CWC27: variants seen among roughly 807,000 people sequenced by gnomAD.
CWC27 encodes spliceosome-associated protein CWC27 homolog.
In CWC27, 47 loss-of-function variants were observed where a neutral mutation model predicts 63.6. That is an observed-to-expected ratio of 0.74 (90% CI 0.58 to 0.94). The LOEUF (loss-of-function observed/expected upper bound fraction) is 0.94, where lower values mean the gene tolerates loss of function less well. Among genes scored for constraint, CWC27 ranks in the 40% least tolerant of loss-of-function variants. The pLI is 0.00. For missense variants in CWC27, 495 were observed against 554.3 expected (o/e 0.89, Z 1.07); for synonymous variants, 175 against 179.8 (o/e 0.97, Z 0.22).
intron 7 of CWC27, among the ~76,000 whole-genome samples, chr5:64,798,022 G>T (rs1224333418): frequency 6.6e-6 from 1 of 152,104 alleles, no homozygotes; most frequent in Admixed American, 6.6e-5. Flanking sequence ...CAGGTGGGGA[G>T]AATTAATATA....
intron 7 of CWC27, among the ~76,000 whole-genome samples, chr5:64,799,769 A>G (rs1197799694): frequency 3.3e-5 from 5 of 151,942 alleles, no homozygotes; most frequent in South Asian, 4.2e-4. Flanking sequence ...AGGCTCTTCT[A>G]TATCTTTTTT....
chr5:64,974,496 A>G (rs1355876471), intron 12 of CWC27, among the ~76,000 whole-genome samples: 1 of 152,204 alleles, frequency 6.6e-6, no homozygotes, highest in Non-Finnish European at 1.5e-5. Context: ...CTTATTCGCT[A>G]TCACGAGAAT....
At chr5:65,010,458 G>A (rs1749929729) in intron 13 of CWC27, among the ~76,000 whole-genome samples, 1 of 152,182 alleles carries the variant, frequency 6.6e-6, no homozygotes, top group African/African-American at 2.4e-5. Context: ...ATTAAAGTTT[G>A]TAATCCACAG....
At chr5:64,840,374 A>T (rs1745774647) in intron 10 of CWC27, among the ~76,000 whole-genome samples, 1 of 54,730 alleles carries the variant, frequency 1.8e-5, no homozygotes, top group Admixed American at 1.9e-4. Flanking sequence ...AAAAAAAAAA[A>T]AAAAAAAAAA....
intron 3 of CWC27, among the ~76,000 whole-genome samples, chr5:64,783,236 G>A (rs1217202334): frequency 1.3e-5 from 2 of 152,148 alleles, no homozygotes; most frequent in Non-Finnish European, 2.9e-5. Context: ...TAATATATTT[G>A]TTAAGTAGCC....
chr5:64,956,253 C>T (rs1748801053), intron 11 of CWC27, among the ~76,000 whole-genome samples: 1 of 152,096 alleles, frequency 6.6e-6, no homozygotes, highest in East Asian at 1.9e-4. Flanking sequence ...AGTATAGGAC[C>T]AACAAGATAT....
At chr5:64,851,621 A>G (rs1746135331) in intron 10 of CWC27, among the ~76,000 whole-genome samples, 1 of 152,206 alleles carries the variant, frequency 6.6e-6, no homozygotes, top group Non-Finnish European at 1.5e-5. Context: ...ATTTTTCCAC[A>G]TTGTATTCAT....
At chr5:64,830,903 A>G (rs1745500683) in intron 10 of CWC27, among the ~76,000 whole-genome samples, 1 of 152,074 alleles carries the variant, frequency 6.6e-6, no homozygotes, top group African/African-American at 2.4e-5. Context: ...ATTGATGGAC[A>G]TTTGGGTTGG....
intron 11 of CWC27, among the ~76,000 whole-genome samples, chr5:64,956,729 A>C (rs1322916432): frequency 6.6e-6 from 1 of 152,178 alleles, no homozygotes; most frequent in Non-Finnish European, 1.5e-5. Context: ...TGTTTGCACT[A>C]AATAGAGTAG....
chr5:64,963,445 C>T (rs1748956377), intron 11 of CWC27, among the ~76,000 whole-genome samples: 1 of 152,082 alleles, frequency 6.6e-6, no homozygotes, highest in African/African-American at 2.4e-5. Context: ...AATTAGTGAA[C>T]TGAAATACAG....
intron 7 of CWC27, among the ~76,000 whole-genome samples, chr5:64,790,162 A>G (rs1252720403): frequency 1.3e-5 from 2 of 152,050 alleles, no homozygotes; most frequent in Non-Finnish European, 2.9e-5. Flanking sequence ...TTCAATTTCC[A>G]TTTACCTGTA....
chr5:64,860,367 C>A (rs775384943), intron 10 of CWC27, among the ~76,000 whole-genome samples: 1 of 152,126 alleles, frequency 6.6e-6, no homozygotes, highest in Non-Finnish European at 1.5e-5. Context: ...CTCTATCTGT[C>A]TAAACAAAGC....
chr5:64,884,674 A>T (rs146613300), intron 10 of CWC27, among the ~76,000 whole-genome samples: 2 of 152,326 alleles, frequency 1.3e-5, no homozygotes, highest in Non-Finnish European at 2.9e-5. Context: ...ATATATGCAC[A>T]GTCTTGACCA....
At chr5:64,838,779 G>A (rs1249170444) in intron 10 of CWC27, among the ~76,000 whole-genome samples, 1 of 152,154 alleles carries the variant, frequency 6.6e-6, no homozygotes, top group East Asian at 1.9e-4. Flanking sequence ...ATTATTTTAT[G>A]TTAGAGAAAA....
chr5:64,946,124 A>T (rs1311234399), intron 11 of CWC27, among the ~76,000 whole-genome samples: 1 of 152,158 alleles, frequency 6.6e-6, no homozygotes, highest in Non-Finnish European at 1.5e-5. Flanking sequence ...AAGCAGTCAA[A>T]TTACTCAAAA....
intron 10 of CWC27, among the ~76,000 whole-genome samples, chr5:64,872,381 GCCAAAAGTT>G (rs575305033): frequency 1.7e-3 from 261 of 152,278 alleles, no homozygotes; most frequent in Non-Finnish European, 2.5e-3. Context: ...GAGAGGCAGG[GCCAAAAGTT>G]CCTAAACGTG....
chr5:64,964,203 A>G (rs1748972104), intron 11 of CWC27, among the ~76,000 whole-genome samples: 2 of 152,194 alleles, frequency 1.3e-5, no homozygotes, highest in Non-Finnish European at 2.9e-5. Context: ...TACCAAATCA[A>G]TCTTTTCCAC....
chr5:65,001,696 T>C (rs1749734591), intron 13 of CWC27, among the ~76,000 whole-genome samples: 1 of 152,172 alleles, frequency 6.6e-6, no homozygotes, highest in Non-Finnish European at 1.5e-5. Flanking sequence ...TATTATCTTT[T>C]TGATGCGTTG....
chr5:64,925,434 T>A (rs1748086509), intron 11 of CWC27, among the ~76,000 whole-genome samples: 1 of 152,222 alleles, frequency 6.6e-6, no homozygotes, highest in African/African-American at 2.4e-5. Context: ...TCCCAGATTC[T>A]AATCCAGTAG....
Sources: gnomAD v4.1 joint callset for allele counts (sites outside exome capture counted in the v4.1 genomes callset) on GRCh38, gnomAD v4.1.1 for gene constraint, MANE v1.5 for transcripts, NCBI Gene and HGNC (gene_info 2026-07-23, HGNC 2026-07-21) for gene names.